PRKDC: variants seen among roughly 807,000 people sequenced by gnomAD.
PRKDC encodes DNA-dependent protein kinase catalytic subunit.
Under a neutral mutation model 486.9 loss-of-function variants are expected in PRKDC, and 82 were observed. The ratio of observed to expected loss-of-function variants is 0.17; its 90% CI spans 0.14 to 0.20. The LOEUF (loss-of-function observed/expected upper bound fraction) is 0.20, where lower values mean the gene tolerates loss of function less well. Ranked by LOEUF, PRKDC falls within the 10% of genes least tolerant of loss-of-function variation. The probability of loss-of-function intolerance (pLI) is 1.00; values close to 1 mark genes in which losing one functional copy is unlikely to be tolerated. For synonymous variants in PRKDC, 1,895 were observed against 1,837.0 expected, an observed-to-expected ratio of 1.03 and a Z score of -0.81; for missense variants, 4,504 against 5,038.2, an observed-to-expected ratio of 0.89 and a Z score of 3.21.
intron 56 of PRKDC, 96 bp from the exon 57 acceptor site, chr8:47,837,515 C>T (rs1273249569): frequency 4.3e-6 from 4 of 938,328 alleles, no homozygotes; most frequent in Non-Finnish European, 6.4e-6. Context: ...CACAGCTCTT[C>T]ACCCACATGA....
intron 59 of PRKDC, among the ~76,000 whole-genome samples, chr8:47,833,601 G>A (rs953879732): frequency 2.0e-5 from 3 of 151,960 alleles, no homozygotes; most frequent in African/African-American, 7.3e-5. Flanking sequence ...TCCTCTGCTC[G>A]GTGCGTTACA....
chr8:47,900,506 A>G (rs1357830671), intron 27 of PRKDC, 39 bp from the exon 28 acceptor site: 1 of 1,482,718 alleles, frequency 6.7e-7, no homozygotes, highest in African/African-American at 1.4e-5. Context: ...CTAAGAAAAC[A>G]ATAAAGCAGA....
At chr8:47,863,715 A>G in intron 41 of PRKDC, 138 bp from the exon 42 acceptor site, 2 of 683,696 alleles carry the variant, frequency 2.9e-6, no homozygotes, top group Non-Finnish European at 4.7e-6. Context: ...CACTTCAATA[A>G]GAAAGCATGC....
intron 40 of PRKDC, among the ~76,000 whole-genome samples, chr8:47,874,328 A>T (rs2089039030): frequency 6.6e-6 from 1 of 152,198 alleles, no homozygotes; most frequent in African/African-American, 2.4e-5. Flanking sequence ...GGTGATGAAT[A>T]CTTCAGTCAC....
intron 25 of PRKDC, 130 bp from the exon 26 acceptor site, chr8:47,905,106 C>T: frequency 3.1e-6 from 2 of 646,440 alleles, no homozygotes; most frequent in East Asian, 5.9e-5. Context: ...TATTAGTTTC[C>T]TTTTTTAGTT....
intron 25 of PRKDC, among the ~76,000 whole-genome samples, chr8:47,907,434 ACAC>A (rs1293699626): frequency 4.0e-5 from 6 of 151,106 alleles, no homozygotes; most frequent in African/African-American, 1.2e-4. Context: ...ACACACACAC[ACAC>A]AATACAGACA....
chr8:47,773,800 C>A lies in PRKDC; in HGVS notation c.*373G>T. The A allele has an allele frequency of 4.1e-6, 1 of 246,376 alleles. No individual in the cohort carries two copies. The highest frequency in any genetic ancestry group is 5.8e-5 in the East Asian group (1 of 17,126). 15.3% of individuals were successfully genotyped at this position (246,376 alleles called of 1,614,324 possible). On this transcript the variant is annotated 3_prime_UTR_variant, in exon 86 of 86. Transcript: ENST00000314191. ...AGTGTGCTTTCCAATGTGCCAGAAC[C>A]AGAAGGGCATTCCAAGGCTTCCCCA...
intron 69 of PRKDC, among the ~76,000 whole-genome samples, chr8:47,805,853 G>C (rs2087204998): frequency 6.6e-6 from 1 of 152,064 alleles, no homozygotes. Context: ...TCCTTACAGA[G>C]CACCTCTCTT....
At position 47,798,287 on chromosome 8, in the gene PRKDC, G is replaced by C; in HGVS notation, c.10408C>G (p.Gln3470Glu). ...EARLKFPRLL[Q>E]IIERYPEETL... ...TCCTCTGGATACCGTTCTATAATCT[G>C]AAGTAATCTAGGAAACTTCAATCTG... Residue 3470 changes from glutamine (Q) to glutamate (E), a missense_variant, in exon 73 of 86, where the codon CAG (glutamine) becomes GAG (glutamate). By Grantham distance (29) the Gln-to-Glu change is conservative. This residue lies in a region of PRKDC where 706 missense variants were observed against 945.0 expected (regional missense o/e 0.75). Transcript: ENST00000314191. The C allele has an allele frequency of 6.2e-7, 1 of 1,613,806 alleles. No homozygotes were observed. Among genetic ancestry groups the C allele is most frequent in the Non-Finnish European group, 8.5e-7 (1 of 1,179,846 alleles).
intron 7 of PRKDC, among the ~76,000 whole-genome samples, chr8:47,946,155 C>A (rs1008903225): frequency 6.6e-6 from 1 of 152,030 alleles, no homozygotes; most frequent in Non-Finnish European, 1.5e-5. Context: ...CACAGTGAAA[C>A]CCCGTCTCTA....
chr8:47,936,632 T>A, intron 11 of PRKDC, 115 bp from the exon 12 acceptor site: 1 of 1,237,558 alleles, frequency 8.1e-7, no homozygotes, highest in Admixed American at 2.6e-5. Flanking sequence ...GCTTCTTTTT[T>A]TTTTGAGACG....
intron 76 of PRKDC, among the ~76,000 whole-genome samples, chr8:47,787,292 C>A (rs1345084388): frequency 6.6e-6 from 1 of 152,186 alleles, no homozygotes; most frequent in South Asian, 2.1e-4. Flanking sequence ...TATTTTAAGA[C>A]AATCCACTAT....
intron 21 of PRKDC, among the ~76,000 whole-genome samples, chr8:47,921,926 G>T (rs542573973): frequency 3.7e-4 from 56 of 152,188 alleles, no homozygotes; most frequent in Non-Finnish European, 7.2e-4. Context: ...GATTACAGGT[G>T]TGTGCCACCA....
At chr8:47,895,481 T>A (rs1003716796) in intron 30 of PRKDC, among the ~76,000 whole-genome samples, 1 of 152,180 alleles carries the variant, frequency 6.6e-6, no homozygotes, top group African/African-American at 2.4e-5. Flanking sequence ...TAGAAATGCC[T>A]GAGATCAGTA....
At chr8:47,807,099 C>T in intron 69 of PRKDC, 38 bp downstream of exon 69, 2 of 1,574,708 alleles carry the variant, frequency 1.3e-6, no homozygotes, top group Non-Finnish European at 1.7e-6. Flanking sequence ...TTAGCAAAAT[C>T]CTGTGACACA....
At position 47,899,026 on chromosome 8, in the gene PRKDC, C is replaced by T. The variant is rs551789778; in HGVS notation, c.3365-457G>A. Among the ~76,000 whole-genome samples, 26 of 152,312 alleles carry T rather than the reference C, an allele frequency of 1.7e-4. 1 individual carries two copies. Among genetic ancestry groups the T allele is most frequent in the Middle Eastern group, 3.4e-3 (1 of 294 alleles). Reference sequence around the variant, plus strand: ...CTCCCTTCCTATGCAGGATAAACTACGGTATCGTTTGGTAATACAGCCTCT... The same window carrying T: ...CTCCCTTCCTATGCAGGATAAACTATGGTATCGTTTGGTAATACAGCCTCT... On this transcript the variant is annotated intron_variant, in intron 28 of 85. Coordinates refer to ENST00000314191, the MANE Select transcript of PRKDC (RefSeq NM_006904.7).
At chr8:47,900,564 TA>T (rs2089660766) in intron 27 of PRKDC, 97 bp from the exon 28 acceptor site, 6 of 1,210,358 alleles carry the variant, frequency 5.0e-6, no homozygotes, top group Non-Finnish European at 6.9e-6. Context: ...ACACATTAAT[TA>T]AATTTGTTTT....
chr8:47,807,384 G>C, intron 68 of PRKDC, 58 bp from the exon 69 acceptor site: 1 of 1,328,230 alleles, frequency 7.5e-7, no homozygotes, highest in Non-Finnish European at 1.0e-6. Flanking sequence ...CTGCTGGATA[G>C]CAATTACAGG....
intron 40 of PRKDC, among the ~76,000 whole-genome samples, chr8:47,872,115 C>T (rs2088966601): frequency 6.6e-6 from 1 of 151,982 alleles, no homozygotes. Flanking sequence ...CTTGAAACAG[C>T]AAAACGTTTA....
Sources: gnomAD v4.1 joint callset for allele counts (sites outside exome capture counted in the v4.1 genomes callset) on GRCh38, gnomAD v4.1.1 for gene constraint, gnomAD v4.1.1 regional missense constraint, MANE v1.5 for transcripts, NCBI Gene and HGNC (gene_info 2026-07-23, HGNC 2026-07-21) for gene names.